Variants in ZNF48 observed in about 807,000 individuals in gnomAD.
ZNF48 encodes zinc finger protein 553.
In ZNF48, 20 loss-of-function variants were observed where a neutral mutation model predicts 40.0. The observed-to-expected ratio is 0.50, with a 90% CI of 0.35 to 0.73. The LOEUF (loss-of-function observed/expected upper bound fraction) is 0.73, where lower values mean the gene tolerates loss of function less well. Ranked by LOEUF, ZNF48 falls within the 30% of genes least tolerant of loss-of-function variation. ZNF48 has a pLI of 0.01. For synonymous variants in ZNF48, 298 were observed against 329.7 expected, an observed-to-expected ratio of 0.90 and a Z score of 1.04; for missense variants, 726 against 851.9, an observed-to-expected ratio of 0.85 and a Z score of 1.84.
Position 30,379,191 on chromosome 16 carries a change from G to A in ZNF48, c.-16+781G>A, listed in dbSNP as rs113348440. 5.6e-4 allele frequency: 904 copies of A among 1,613,720 alleles called. 6 individuals are homozygous for A. The African/African-American group carries it at 0.011, about 19-fold the overall frequency. ...AGTGATGTGGGTTCTCCACTGGAGG[G>A]GGGGCGGCGCGGACCAGCGAACGTC... is the stretch of plus-strand genomic sequence containing the variant. On this transcript the variant is annotated intron_variant, in intron 1 of 2. Transcript: ENST00000528032.
intron 1 of ZNF48, chr16:30,378,687 G>A: frequency 1.2e-6 from 2 of 1,608,478 alleles, no homozygotes; most frequent in South Asian, 2.2e-5. Context: ...GTGGCGCTCT[G>A]GCGGGAAAGC....
chr16:30,395,283 G>A (rs1310670723), upstream of ZNF48: 2 of 456,036 alleles, frequency 4.4e-6, no homozygotes, highest in South Asian at 3.1e-5. The surrounding 1 kb of genome is among the most constrained non-coding windows in gnomAD (Gnocchi z 5.9). Flanking sequence ...GCCGGCCTCG[G>A]CTTAGAGTAG....
chr16:30,378,938 G>A, intron 1 of ZNF48: 1 of 1,414,144 alleles, frequency 7.1e-7, no homozygotes, highest in Non-Finnish European at 9.7e-7. Context: ...AGTCACGGGT[G>A]GTGGGGACGA....
chr16:30,394,833 CT>C (rs1470710905), upstream of ZNF48: 1 of 200,234 alleles, frequency 5.0e-6, no homozygotes, highest in Non-Finnish European at 1.1e-5. Flanking sequence ...TGATGTGAGT[CT>C]CTGGCTCAGG....
Position 30,382,648 on chromosome 16 carries a change from A to C in ZNF48, c.-16+4238A>C. The C allele has an allele frequency of 6.5e-7, 1 of 1,539,342 alleles. No homozygotes were observed. Among genetic ancestry groups the C allele is most frequent in the Non-Finnish European group, 8.7e-7 (1 of 1,144,322 alleles). On this transcript the variant is annotated intron_variant, in intron 1 of 2. Coordinates refer to the ZNF48 transcript ENST00000528032. The surrounding 1 kb of genome is among the most constrained non-coding windows in gnomAD (Gnocchi z 4.8). ...GCAGCTGAGATGCTCAAACTGGCCC[A>C]GTCCCAGAGAGGTGGGGAAGGCCAA...
intron 1 of ZNF48, among the ~76,000 whole-genome samples, chr16:30,387,136 G>T (rs2049907161): frequency 6.7e-6 from 1 of 148,760 alleles, no homozygotes; most frequent in Non-Finnish European, 1.5e-5. Context: ...GTAGAGACAG[G>T]GTTTCACCGT....
chr16:30,394,046 A>T (rs1366571537), upstream of ZNF48, among the ~76,000 whole-genome samples: 39 of 147,338 alleles, frequency 2.6e-4, no homozygotes, highest in Non-Finnish European at 4.9e-4. Flanking sequence ...TTTTTTTTTT[A>T]AAGAGACAGG....
chr16:30,394,012 C>T (rs909119176), upstream of ZNF48, among the ~76,000 whole-genome samples: 1 of 152,066 alleles, frequency 6.6e-6, no homozygotes, highest in Non-Finnish European at 1.5e-5. Context: ...GCCACTGGGC[C>T]CAGCCCATTC....
At chr16:30,380,975 G>T in intron 1 of ZNF48, 1 of 720,894 alleles carries the variant, frequency 1.4e-6, no homozygotes. Context: ...TGGCTATGCT[G>T]GCGGCTTACC....
rs1198488124 is a variant in ZNF48, at chr16:30,398,271, G to A, written c.1021G>A (p.Ala341Thr). 5 of 1,613,430 alleles carry A rather than the reference G, an allele frequency of 3.1e-6. No individual in the cohort carries two copies. Among genetic ancestry groups the A allele is most frequent in the Non-Finnish European group, 2.5e-6 (3 of 1,180,018 alleles). The change falls in exon 3 of 3, where the codon GCG becomes ACG. Residue 341 changes from alanine (A) to threonine (T), a missense_variant. Ala to Thr is a moderately conservative substitution (Grantham distance 58). Transcript: ENST00000613509. The surrounding 1 kb of genome is among the most constrained non-coding windows in gnomAD (Gnocchi z 6.6). ...YLCPECGKGF[A>T]DSSARVKHLR... ...CTGCCCAGAGTGCGGCAAAGGTTTC[G>A]CGGACAGCTCCGCCCGAGTCAAACA...
chr16:30,380,953 C>T, intron 1 of ZNF48: 1 of 676,760 alleles, frequency 1.5e-6, no homozygotes, highest in Admixed American at 2.4e-5. Context: ...CTATTTTGAG[C>T]CTTCAGAGAC....
intron 1 of ZNF48, chr16:30,379,441 C>T (rs998452872): frequency 6.2e-7 from 1 of 1,613,404 alleles, no homozygotes; most frequent in Non-Finnish European, 8.5e-7. Flanking sequence ...TCACCCTCCA[C>T]GGTCCCCCAG....
At chr16:30,383,205 T>C (rs2049872897) in intron 1 of ZNF48, among the ~76,000 whole-genome samples, 1 of 152,182 alleles carries the variant, frequency 6.6e-6, no homozygotes, top group African/African-American at 2.4e-5. Context: ...CTTTCTTTTT[T>C]TGAGACGGAG....
At chr16:30,390,660 G>A (rs1374249383), upstream of ZNF48, among the ~76,000 whole-genome samples, 1 of 119,674 alleles carries the variant, frequency 8.4e-6, no homozygotes, top group Non-Finnish European at 1.6e-5. Flanking sequence ...TTTCTCTGTC[G>A]CCCAGGCTGG....
rs191558894 is a variant in ZNF48 at position 30,399,110 on chromosome 16, C to T, written c.*3C>T. 2.7e-5 allele frequency: 43 copies of T among 1,572,916 alleles called. No homozygotes were observed. Among genetic ancestry groups the T allele is most frequent in the African/African-American group, 8.1e-5 (6 of 74,264 alleles). On this transcript the variant is annotated 3_prime_UTR_variant, in exon 3 of 3. Transcript: ENST00000613509. Reference sequence around the variant, plus strand: ...AGGCAGCAACAGGACTGGAATGACGCGGTCCAGGGAGGGCGGAGGCCCAGG... The same window carrying T: ...AGGCAGCAACAGGACTGGAATGACGTGGTCCAGGGAGGGCGGAGGCCCAGG...
intron 1 of ZNF48, chr16:30,379,395 C>T (rs975811089): frequency 1.9e-6 from 3 of 1,561,980 alleles, no homozygotes; most frequent in Non-Finnish European, 2.6e-6. Context: ...AGGCCCCGGG[C>T]TCCCTGCTGG....
chr16:30,379,234 AC>A (rs1490775234), intron 1 of ZNF48: 1 of 1,604,550 alleles, frequency 6.2e-7, no homozygotes, highest in South Asian at 1.1e-5. Flanking sequence ...TTCGGGTCCA[AC>A]CCACCCGTAA....
intron 1 of ZNF48, chr16:30,379,230 T>A: frequency 6.2e-7 from 1 of 1,607,338 alleles, no homozygotes; most frequent in Non-Finnish European, 8.5e-7. Flanking sequence ...GAGTTTCGGG[T>A]CCAACCCACC....
At position 30,386,621 on chromosome 16, in the gene ZNF48, C is replaced by T. The variant is rs935365319; in HGVS notation, c.-16+8211C>T. 4.0e-5 allele frequency among the ~76,000 whole-genome samples: 6 copies of T among 151,860 alleles called. No homozygotes were observed. The East Asian group carries it at 7.7e-4, about 20-fold the overall frequency. On this transcript the variant is annotated intron_variant, in intron 1 of 2. Coordinates refer to the ZNF48 transcript ENST00000528032. The stretch of plus-strand genomic sequence containing the variant: ...TGTGTGACAGAGCCAGACCCTACCT[C>T]GAAAAAAATATATTTTTTAATGTGA...
Sources: allele counts gnomAD v4.1 joint callset (sites outside exome capture counted in the v4.1 genomes callset), GRCh38; gene constraint gnomAD v4.1.1; non-coding constraint Gnocchi (gnomAD v3.1); transcripts MANE v1.5; gene names NCBI Gene and HGNC (gene_info 2026-07-23, HGNC 2026-07-21).